MAP3K9: variants seen among roughly 807,000 people sequenced by gnomAD.
MAP3K9 encodes mitogen-activated protein kinase kinase kinase 9.
A neutral mutation model predicts 95.8 loss-of-function variants in MAP3K9; 46 were observed. The observed-to-expected ratio is 0.48, with a 90% CI of 0.38 to 0.61. MAP3K9 has a LOEUF of 0.61. Among genes scored for constraint, MAP3K9 ranks in the 20% least tolerant of loss-of-function variants. The probability of loss-of-function intolerance (pLI) is 0.00; values close to 1 mark genes in which losing one functional copy is unlikely to be tolerated. For synonymous variants in MAP3K9, 533 were observed against 593.8 expected (o/e 0.90, Z 1.49); for missense variants, 1,296 against 1,474.3 (o/e 0.88, Z 1.98).
Position 70,800,873 on chromosome 14 carries a change from G to T in MAP3K9, c.614C>A (p.Ala205Asp). The T allele has an allele frequency of 6.2e-7, 1 of 1,614,176 alleles. No individual in the cohort carries two copies. The highest frequency in any genetic ancestry group is 8.5e-7 in the Non-Finnish European group (1 of 1,180,032). ...FAMLKHPNIIALRGVCLKEPN... is the reference protein window; with the variant it reads ...FAMLKHPNIIDLRGVCLKEPN... The stretch of plus-strand genomic sequence containing the variant: ...CTCCTTCAGACATACCCCTCTTAGG[G>T]CAATGATGTTGGGGTGCTTCAGCAT... Residue 205 changes from alanine to aspartate, a missense_variant, in exon 2 of 12, where the codon GCC becomes GAC. Physicochemically the swap from Ala to Asp is moderately radical, Grantham distance 126. This residue lies in a region of MAP3K9 where 338 missense variants were observed against 363.4 expected (regional missense o/e 0.93). Coordinates refer to ENST00000554752, the MANE Select transcript of MAP3K9 (RefSeq NM_001284230.2).
At chr14:70,768,596 A>G (rs773524021) in intron 2 of MAP3K9, among the ~76,000 whole-genome samples, 5 of 152,184 alleles carry the variant, frequency 3.3e-5, no homozygotes, top group Non-Finnish European at 5.9e-5. Context: ...ATGTTGCTTA[A>G]TGCAGACCAC....
Position 70,744,031 on chromosome 14 carries a change from G to T in MAP3K9, c.1327-1440C>A, listed in dbSNP as rs528249058. Among the ~76,000 whole-genome samples the T allele has an allele frequency of 7.2e-5, 11 of 152,248 alleles. No homozygotes were observed. In the South Asian group the frequency reaches 2.3e-3, roughly 32 times the overall value. ...CATGATACTATGCAGCCATAAAAAA[G>T]GATGAGTTCGTGTCTTTGCAGGGAC... is the stretch of plus-strand genomic sequence containing the variant. On this transcript the variant is annotated intron_variant, in intron 5 of 11. Coordinates refer to ENST00000554752, the MANE Select transcript of MAP3K9 (RefSeq NM_001284230.2).
At chr14:70,758,450 A>C (rs1037708531) in intron 3 of MAP3K9, among the ~76,000 whole-genome samples, 1 of 152,224 alleles carries the variant, frequency 6.6e-6, no homozygotes, top group Non-Finnish European at 1.5e-5. Context: ...TGCTAACGGG[A>C]ATATAATAAA....
Position 70,734,404 on chromosome 14 carries a change from T to G in MAP3K9, c.2008A>C (p.Thr670Pro). 1 of 1,613,792 alleles carries G rather than the reference T, an allele frequency of 6.2e-7. No homozygotes were observed. The highest frequency in any genetic ancestry group is 8.5e-7 in the Non-Finnish European group (1 of 1,179,678). Reference protein sequence around the residue: ...PRSSPALPGFTSLMEMEDEDS... With the variant: ...PRSSPALPGFPSLMEMEDEDS... Reference sequence around the variant, plus strand: ...TGCTTACCCATCTCCATAAGGCTGGTGAACCCTGGCAGGGCCGGGCTACTC... The same window carrying G: ...TGCTTACCCATCTCCATAAGGCTGGGGAACCCTGGCAGGGCCGGGCTACTC... Residue 670 changes from threonine to proline, a missense_variant, in exon 10 of 12, where the codon ACC becomes CCC. Around this residue, in one of 5 missense-constraint regions of MAP3K9, gnomAD observed 377 missense variants for 417.1 expected, o/e 0.90. Transcript: ENST00000554752.
intron 1 of MAP3K9, 23 bp downstream of exon 1, chr14:70,808,743 G>C (rs2139876063): frequency 3.5e-4 from 223 of 630,776 alleles, no homozygotes; most frequent in South Asian, 3.0e-3. Context: ...CCCCCTCCCC[G>C]CCCGGCCCCG....
rs1337269416 is a variant in MAP3K9 at position 70,800,889 on chromosome 14, G to C, written c.598C>G (p.His200Asp). Reference protein sequence around the residue: ...QEAKLFAMLKHPNIIALRGVC... With the variant: ...QEAKLFAMLKDPNIIALRGVC... ...CCTCTTAGGGCAATGATGTTGGGGT[G>C]CTTCAGCATGGCGAAGAGCTTGGCC... The change falls in exon 2 of 12, where the codon CAC (histidine) becomes GAC (aspartate). Residue 200 changes from histidine (H) to aspartate (D), a missense_variant. Physicochemically the swap from His to Asp is moderately conservative, Grantham distance 81. This residue lies in a region of MAP3K9 where 338 missense variants were observed against 363.4 expected (regional missense o/e 0.93). Coordinates refer to ENST00000554752, the MANE Select transcript of MAP3K9 (RefSeq NM_001284230.2). The C allele has an allele frequency of 6.2e-7, 1 of 1,614,038 alleles. No homozygotes were observed. Among genetic ancestry groups the C allele is most frequent in the African/African-American group, 1.3e-5 (1 of 74,920 alleles).
chr14:70,739,544 GTATTT>G (rs1229902067), intron 7 of MAP3K9, among the ~76,000 whole-genome samples: 1 of 150,740 alleles, frequency 6.6e-6, no homozygotes, highest in Non-Finnish European at 1.5e-5. Flanking sequence ...GTATGTGTGA[GTATTT>G]TTTTTAAGCA....
At chr14:70,734,236 T>C in intron 10 of MAP3K9, 150 bp downstream of exon 10, 1 of 663,596 alleles carries the variant, frequency 1.5e-6, no homozygotes, top group Non-Finnish European at 2.7e-6. Flanking sequence ...TATGAGTTTC[T>C]AGAACACTGA....
At chr14:70,780,562 C>G (rs949955550) in intron 2 of MAP3K9, among the ~76,000 whole-genome samples, 33 of 152,278 alleles carry the variant, frequency 2.2e-4, no homozygotes, top group African/African-American at 7.9e-4. Flanking sequence ...ATAACTGCTT[C>G]AAAAGGCGTC....
At chr14:70,775,571 A>G (rs947216683) in intron 2 of MAP3K9, among the ~76,000 whole-genome samples, 3 of 152,176 alleles carry the variant, frequency 2.0e-5, no homozygotes, top group Non-Finnish European at 4.4e-5. Flanking sequence ...TGAATCCTAC[A>G]TCCGGAATGG....
chr14:70,741,839 C>T (rs779411626), intron 6 of MAP3K9, among the ~76,000 whole-genome samples: 2 of 152,112 alleles, frequency 1.3e-5, no homozygotes, highest in Admixed American at 6.5e-5. Context: ...CCCAGCTGCT[C>T]GGGGGCCTGG....
chr14:70,739,499 T>A (rs2054035209), intron 7 of MAP3K9, among the ~76,000 whole-genome samples: 1 of 103,366 alleles, frequency 9.7e-6, no homozygotes, highest in African/African-American at 3.4e-5. Context: ...TATAGGTGTA[T>A]GTTCACACAC....
At chr14:70,777,196 G>A (rs2054611423) in intron 2 of MAP3K9, among the ~76,000 whole-genome samples, 1 of 152,050 alleles carries the variant, frequency 6.6e-6, no homozygotes, top group African/African-American at 2.4e-5. Context: ...ACCTCAAAGG[G>A]GTAGTCATTT....
In MAP3K9 at chr14:70,742,527, A is replaced by C. The variant is rs569837216; in HGVS notation, c.1391T>G (p.Leu464Arg). Residue 464 changes from leucine to arginine, a missense_variant, in exon 6 of 12, where the codon CTG becomes CGG. Physicochemically the swap from Leu to Arg is moderately radical, Grantham distance 102. Coordinates refer to ENST00000554752, the MANE Select transcript of MAP3K9 (RefSeq NM_001284230.2). ...CAGCTCCTGCTCCCGACGCCGCAGCAGTTCCTCCTGGTTCTTCTGCTGCAG... is the reference window on the plus strand; with the variant it reads ...CAGCTCCTGCTCCCGACGCCGCAGCCGTTCCTCCTGGTTCTTCTGCTGCAG... ...AALQQKNQEE[L>R]LRRREQELAE... 2 of 1,614,242 alleles carry C rather than the reference A, an allele frequency of 1.2e-6. No homozygotes were observed. Among genetic ancestry groups the C allele is most frequent in the South Asian group, 2.2e-5 (2 of 91,084 alleles).
chr14:70,746,974 C>A (rs902216339), intron 5 of MAP3K9, among the ~76,000 whole-genome samples: 2 of 152,244 alleles, frequency 1.3e-5, no homozygotes, highest in Non-Finnish European at 2.9e-5. Context: ...TTCTGCTCAA[C>A]AGCCAGTGCA....
At chr14:70,768,981 T>C (rs2054494386) in intron 2 of MAP3K9, among the ~76,000 whole-genome samples, 1 of 152,220 alleles carries the variant, frequency 6.6e-6, no homozygotes, top group African/African-American at 2.4e-5. Flanking sequence ...TTGTTTTATT[T>C]TTTAAAGTTT....
intron 3 of MAP3K9, among the ~76,000 whole-genome samples, chr14:70,751,430 G>A (rs144343006): frequency 2.8e-4 from 43 of 152,340 alleles, no homozygotes; most frequent in African/African-American, 1.0e-3. Context: ...TAATAGGCCA[G>A]GCATGGTGGC....
chr14:70,807,398 G>T lies in MAP3K9; in HGVS notation c.406+1368C>A, dbSNP rs548002965. 1.5e-4 allele frequency among the ~76,000 whole-genome samples: 23 copies of T among 152,310 alleles called. No individual in the cohort carries two copies. The East Asian group carries it at 2.3e-3, about 15-fold the overall frequency. On this transcript the variant is annotated intron_variant, in intron 1 of 11. Transcript: ENST00000554752. ...CCAGCTACTCAGGAGGCTGAGGCAG[G>T]AGAATTGCTTGAACCCGGGAGGCAG... is the stretch of plus-strand genomic sequence containing the variant.
chr14:70,777,350 A>C (rs1346247923), intron 2 of MAP3K9, among the ~76,000 whole-genome samples: 1 of 152,196 alleles, frequency 6.6e-6, no homozygotes, highest in East Asian at 1.9e-4. Flanking sequence ...AGAAAGGCTG[A>C]GGCTCATATA....
Sources: gnomAD v4.1 joint callset for allele counts (sites outside exome capture counted in the v4.1 genomes callset) on GRCh38, gnomAD v4.1.1 for gene constraint, gnomAD v4.1.1 regional missense constraint, MANE v1.5 for transcripts, NCBI Gene and HGNC (gene_info 2026-07-23, HGNC 2026-07-21) for gene names.